The following MPPED1 variants were observed in gnomAD, a reference collection of about 807,000 sequenced individuals.
The protein encoded by MPPED1 is metallophosphoesterase domain containing 1, also known as metallophosphoesterase domain-containing protein 1.
Under a neutral mutation model 36.2 loss-of-function variants are expected in MPPED1, and 16 were observed. The observed-to-expected ratio is 0.44, with a 90% CI of 0.30 to 0.67. The LOEUF (loss-of-function observed/expected upper bound fraction) is 0.67. Among genes scored for constraint, MPPED1 ranks in the 30% least tolerant of loss-of-function variants. The pLI is 0.10. For synonymous variants in MPPED1, 199 were observed against 191.3 expected, an observed-to-expected ratio of 1.04 and a Z score of -0.33; for missense variants, 307 against 453.4, an observed-to-expected ratio of 0.68 and a Z score of 2.93.
At chr22:43,431,559 A>C (rs1419135136) in intron 2 of MPPED1, among the ~76,000 whole-genome samples, 1 of 152,188 alleles carries the variant, frequency 6.6e-6, no homozygotes, top group Admixed American at 6.5e-5. Flanking sequence ...GCCTGGTGTG[A>C]GTTCTGGACC....
intron 4 of MPPED1, among the ~76,000 whole-genome samples, chr22:43,482,432 TG>T (rs1931779319): frequency 6.6e-6 from 1 of 152,110 alleles, no homozygotes; most frequent in Non-Finnish European, 1.5e-5. Context: ...GGCCAGGCAG[TG>T]GTGCCAGGAT....
chr22:43,450,336 C>T (rs1458888667), intron 3 of MPPED1, among the ~76,000 whole-genome samples: 1 of 152,230 alleles, frequency 6.6e-6, no homozygotes, highest in Admixed American at 6.5e-5. Context: ...TCATCACTCC[C>T]CTGTGCCTCA....
chr22:43,491,818 TGATGGA>T (rs1932110823), intron 4 of MPPED1, among the ~76,000 whole-genome samples: 1 of 150,288 alleles, frequency 6.7e-6, no homozygotes. Flanking sequence ...ATGGTGGTGA[TGATGGA>T]GGTGGTGGTA....
intron 4 of MPPED1, among the ~76,000 whole-genome samples, chr22:43,480,170 G>A (rs73167998): frequency 0.07 from 10,682 of 152,232 alleles, 425 homozygotes; most frequent in Middle Eastern, 0.11. Context: ...TCTGAGGCCC[G>A]CTGTGGTTTG....
At chr22:43,415,925 G>A (rs1295902491) in intron 1 of MPPED1, among the ~76,000 whole-genome samples, 1 of 152,208 alleles carries the variant, frequency 6.6e-6, no homozygotes, top group Admixed American at 6.5e-5. Flanking sequence ...ATCACTTCAA[G>A]GAGAAAATGA....
rs566845316 is a variant in MPPED1 at position 43,486,194 on chromosome 22, T to G, written c.632+11233T>G. 6.6e-5 allele frequency among the ~76,000 whole-genome samples: 10 copies of G among 152,368 alleles called. No individual in the cohort carries two copies. In the South Asian group the frequency reaches 1.9e-3, roughly 28 times the overall value. On this transcript the variant is annotated intron_variant, in intron 4 of 6. Coordinates refer to ENST00000443721, the MANE Select transcript of MPPED1 (RefSeq NM_001044370.2). ...CCCTCACTTGGGAACCAGGCACGTCTCTGACATCTCTGAGCCTCAGTTTCC... is the reference window on the plus strand; with the variant it reads ...CCCTCACTTGGGAACCAGGCACGTCGCTGACATCTCTGAGCCTCAGTTTCC...
Position 43,474,851 on chromosome 22 carries a change from G to C in MPPED1, c.522G>C (p.Ser174=), listed in dbSNP as rs370771750. The C allele has an allele frequency of 6.2e-7, 1 of 1,614,030 alleles. No homozygotes were observed. Among genetic ancestry groups the C allele is most frequent in the South Asian group, 1.1e-5 (1 of 91,084 alleles). ...KQDFYYFPSV[S]KLKPENYENV... is the part of the protein sequence containing the mutation. ...ACTTTTACTACTTCCCATCTGTGTC[G>C]AAGCTGAAGCCGGAGAACTATGAGA... Residue 174 remains serine, a synonymous_variant, in exon 4 of 7, where the codon TCG becomes TCC. Transcript: ENST00000443721. This position sits in a 1 kb window ranked among gnomAD's most constrained non-coding sequence, Gnocchi z 5.2.
intron 3 of MPPED1, among the ~76,000 whole-genome samples, chr22:43,436,770 C>T (rs1929976290): frequency 6.6e-6 from 1 of 152,256 alleles, no homozygotes; most frequent in Admixed American, 6.5e-5. Flanking sequence ...GGCCAAGCCC[C>T]CGCTGTGTGC....
chr22:43,457,435 T>C (rs1345758678), intron 3 of MPPED1, among the ~76,000 whole-genome samples: 1 of 152,176 alleles, frequency 6.6e-6, no homozygotes, highest in East Asian at 1.9e-4. Flanking sequence ...CAGCATATAA[T>C]TGGATTTTTA....
intron 4 of MPPED1, among the ~76,000 whole-genome samples, chr22:43,488,092 G>A (rs185189937): frequency 1.3e-5 from 2 of 152,210 alleles, no homozygotes; most frequent in African/African-American, 4.8e-5. Context: ...GCCTCTCTTG[G>A]GGGGGTGTGA....
In MPPED1 at chr22:43,471,450, G is replaced by A. The variant is rs564422072; in HGVS notation, c.407-3286G>A. Among the ~76,000 whole-genome samples, 6 of 152,286 alleles carry A rather than the reference G, an allele frequency of 3.9e-5. No individual in the cohort carries two copies. The East Asian group carries it at 7.7e-4, about 20-fold the overall frequency. On this transcript the variant is annotated intron_variant, in intron 3 of 6. Transcript: ENST00000443721. ...GAGGGGTGGGGTCAGCTGGACCAGC[G>A]TCCCCCTCCACAGCCGTGGGGCCTG... is the stretch of plus-strand genomic sequence containing the variant.
chr22:43,432,381 GGAGA>G (rs767254355), intron 2 of MPPED1, among the ~76,000 whole-genome samples: 11 of 120,476 alleles, frequency 9.1e-5, no homozygotes, highest in Admixed American at 1.6e-4. Context: ...GAGAAAGGGA[GGAGA>G]GAGAGAGAAA....
At chr22:43,500,335 AGGTGG>A (rs1932676321) in intron 5 of MPPED1, among the ~76,000 whole-genome samples, 1 of 26,996 alleles carries the variant, frequency 3.7e-5, no homozygotes, top group East Asian at 1.6e-3. Flanking sequence ...GTGGTGGTGG[AGGTGG>A]TGGTGGTGAT....
At chr22:43,491,366 G>A (rs1932076119) in intron 4 of MPPED1, among the ~76,000 whole-genome samples, 1 of 152,114 alleles carries the variant, frequency 6.6e-6, no homozygotes. Context: ...TGTTGATGTT[G>A]ATAATGGTAG....
chr22:43,450,852 G>T (rs978691824), intron 3 of MPPED1, among the ~76,000 whole-genome samples: 1 of 151,814 alleles, frequency 6.6e-6, no homozygotes, highest in East Asian at 1.9e-4. Flanking sequence ...TCAGCCTCCC[G>T]AGTAGCTGGG....
At chr22:43,496,450 A>G (rs867024400) in intron 4 of MPPED1, among the ~76,000 whole-genome samples, 1,031 of 3,108 alleles carry the variant, frequency 0.33, 1 homozygote, top group East Asian at 0.35. Context: ...TGGTGGAGGT[A>G]GTGGTGGTGG....
intron 2 of MPPED1, among the ~76,000 whole-genome samples, chr22:43,427,385 G>A (rs1203196153): frequency 6.6e-6 from 1 of 152,116 alleles, no homozygotes; most frequent in South Asian, 2.1e-4. Context: ...GGTGTGAGGA[G>A]GAAGTGGGCC....
intron 3 of MPPED1, among the ~76,000 whole-genome samples, chr22:43,445,512 C>T (rs1930302995): frequency 6.6e-6 from 1 of 151,906 alleles, no homozygotes; most frequent in Non-Finnish European, 1.5e-5. Flanking sequence ...CGTACCCTGC[C>T]CCCTCTTGCT....
intron 2 of MPPED1, among the ~76,000 whole-genome samples, chr22:43,430,142 C>T (rs1330829010): frequency 6.6e-6 from 1 of 152,116 alleles, no homozygotes; most frequent in African/African-American, 2.4e-5. Flanking sequence ...CCCAGTCACA[C>T]GGCTGGATGA....
Sources: gnomAD v4.1 joint callset for allele counts (sites outside exome capture counted in the v4.1 genomes callset) on GRCh38, gnomAD v4.1.1 for gene constraint, Gnocchi (gnomAD v3.1) non-coding constraint, MANE v1.5 for transcripts, NCBI Gene and HGNC (gene_info 2026-07-23, HGNC 2026-07-21) for gene names.